SRSF11: variants seen among roughly 807,000 people sequenced by gnomAD.
SRSF11 encodes serine and arginine rich splicing factor 11.
Under a neutral mutation model 56.0 loss-of-function variants are expected in SRSF11, and 9 were observed. The ratio of observed to expected loss-of-function variants is 0.16; its 90% CI spans 0.10 to 0.28. The LOEUF (loss-of-function observed/expected upper bound fraction) is 0.28. SRSF11 is among the 10% of genes least tolerant of loss of function. The pLI, the probability that SRSF11 is intolerant of heterozygous loss-of-function variation, is 1.00. For missense variants in SRSF11, 421 were observed against 600.7 expected (o/e 0.70, Z 3.13); for synonymous variants, 222 against 215.3 (o/e 1.03, Z -0.27).
chr1:70,208,345 T>TGTGA (rs953992901), intron 1 of SRSF11, among the ~76,000 whole-genome samples: 3 of 152,104 alleles, frequency 2.0e-5, no homozygotes, highest in South Asian at 2.1e-4. Flanking sequence ...TGTGTGTGTG[T>TGTGA]GTGAGTGAGA....
chr1:70,234,387 T>C (rs1265596299), intron 3 of SRSF11, among the ~76,000 whole-genome samples: 1 of 152,230 alleles, frequency 6.6e-6, no homozygotes, highest in Non-Finnish European at 1.5e-5. Flanking sequence ...TGTCTTTTTT[T>C]CTTAATCTAG....
Position 70,228,792 on chromosome 1 carries a change from T to G in SRSF11, c.337+237T>G, listed in dbSNP as rs149811831. The G allele has an allele frequency of 3.4e-6, 4 of 1,169,108 alleles. No homozygotes were observed. The African/African-American group carries it at 6.4e-5, about 19-fold the overall frequency. The allele number at this position is 1,169,108 out of a possible 1,614,324, so 72.4% of individuals were successfully genotyped here. A position where few individuals can be genotyped will look rare whatever the true frequency, so the allele number is the denominator to read the frequency against. ...TTCTTTTAAAACATTTTTAAGTTGT[T>G]TAAAACCATGTCCCTTATTGTAACT... On this transcript the variant is annotated intron_variant, in intron 2 of 11. Transcript: ENST00000370949.
At chr1:70,247,309 G>T (rs1352834052) in intron 9 of SRSF11, among the ~76,000 whole-genome samples, 4 of 152,072 alleles carry the variant, frequency 2.6e-5, no homozygotes, top group Non-Finnish European at 1.5e-5. Flanking sequence ...GGGAAGCAAT[G>T]CAGGTTCTGG....
rs542574000 is a variant in SRSF11 at position 70,221,883 on chromosome 1, G to A, written c.203+44G>A. 8 of 1,609,604 alleles carry A rather than the reference G, an allele frequency of 5.0e-6. No homozygotes were observed. In the Admixed American group the frequency reaches 5.0e-5, roughly 10 times the overall value. On this transcript the variant is annotated intron_variant, in intron 1 of 11. Coordinates refer to ENST00000370949, the MANE Select transcript of SRSF11 (RefSeq NM_001350605.2). ...CACTGTTCCTGCTAACGCCGCCTCAGCCTGGGCCTAACACACACAATTTCC... is the reference window on the plus strand; with the variant it reads ...CACTGTTCCTGCTAACGCCGCCTCAACCTGGGCCTAACACACACAATTTCC...
Position 70,239,484 on chromosome 1 carries a change from C to G in SRSF11, c.764C>G (p.Ser255Cys). 6.2e-7 allele frequency: 1 copy of G among 1,609,608 alleles called. No homozygotes were observed. Among genetic ancestry groups the G allele is most frequent in the South Asian group, 1.1e-5 (1 of 90,128 alleles). The change falls in exon 7 of 12, where the codon TCT (serine) becomes TGT (cysteine). Residue 255 changes from serine (S) to cysteine (C), a missense_variant. Physicochemically the swap from Ser to Cys is moderately radical, Grantham distance 112. Transcript: ENST00000370949. ...AGGCATTCAAGATCAAGATCACGTT[C>G]TAGGAGGAGGAGGACTCCCTCATCT... ...KRRHSRSRSR[S>C]RRRRTPSSSR...
At chr1:70,232,021 G>A in intron 2 of SRSF11, 1 of 1,521,912 alleles carries the variant, frequency 6.6e-7, no homozygotes, top group East Asian at 2.5e-5. Flanking sequence ...TGTGTATTGT[G>A]CTATTTTTTT....
rs79728747 is a variant in SRSF11 at position 70,208,589 on chromosome 1, C to T, written c.-26+2809C>T. ...CTGGCCTCATGTGATCCACCTGCCT[C>T]GGCCCCCGAAATTGCGGGAATTACA... On this transcript the variant is annotated intron_variant, in intron 1 of 12. Transcript: ENST00000370950. 1.0e-3 allele frequency among the ~76,000 whole-genome samples: 156 copies of T among 152,220 alleles called. 3 individuals are homozygous for T. In the East Asian group the frequency reaches 0.026, roughly 25 times the overall value.
chr1:70,246,932 G>A, intron 9 of SRSF11, 25 bp downstream of exon 9: 4 of 1,572,784 alleles, frequency 2.5e-6, no homozygotes, highest in East Asian at 4.6e-5. Context: ...TGAATTCTTG[G>A]CAATTATTTT....
intron 2 of SRSF11, chr1:70,230,129 T>C: frequency 1.0e-6 from 1 of 983,328 alleles, no homozygotes; most frequent in Middle Eastern, 5.2e-4. Flanking sequence ...TCCCAATCCC[T>C]GAACATAATA....
chr1:70,206,763 T>C (rs546908302), intron 1 of SRSF11, among the ~76,000 whole-genome samples: 1 of 152,288 alleles, frequency 6.6e-6, no homozygotes, highest in South Asian at 2.1e-4. Context: ...TTGCTACCTG[T>C]AAAATTCGGT....
intron 5 of SRSF11, 85 bp from the exon 6 acceptor site, chr1:70,237,340 A>C: frequency 6.5e-7 from 1 of 1,541,764 alleles, no homozygotes; most frequent in Non-Finnish European, 8.7e-7. Flanking sequence ...TTTTGCTAAA[A>C]TAATGTTATA....
At chr1:70,232,000 C>T in intron 2 of SRSF11, 4 of 1,519,504 alleles carry the variant, frequency 2.6e-6, no homozygotes, top group Non-Finnish European at 3.5e-6. Context: ...GCAGTGTTAA[C>T]AAAAAAGTAG....
intron 6 of SRSF11, 98 bp from the exon 7 acceptor site, chr1:70,239,341 T>C: frequency 1.3e-6 from 1 of 786,410 alleles, no homozygotes; most frequent in Non-Finnish European, 2.1e-6. Flanking sequence ...TTGCTCCCAC[T>C]TCAGCCTCTC....
At chr1:70,233,661 T>C (rs1044631096) in intron 3 of SRSF11, among the ~76,000 whole-genome samples, 1 of 152,266 alleles carries the variant, frequency 6.6e-6, no homozygotes, top group Non-Finnish European at 1.5e-5. Flanking sequence ...AGTTAAATTA[T>C]AGAAAGTTTG....
chr1:70,225,441 A>G (rs1671556133), intron 1 of SRSF11, among the ~76,000 whole-genome samples: 2 of 152,154 alleles, frequency 1.3e-5, no homozygotes, highest in Non-Finnish European at 2.9e-5. Context: ...CGTCTTTGTC[A>G]CACACCTCCT....
chr1:70,217,862 A>G (rs1670155043), upstream of SRSF11, among the ~76,000 whole-genome samples: 1 of 152,196 alleles, frequency 6.6e-6, no homozygotes, highest in African/African-American at 2.4e-5. Context: ...AAGAATCTTC[A>G]AAATTATGAT....
intron 2 of SRSF11, chr1:70,229,456 C>A: frequency 5.1e-6 from 5 of 985,214 alleles, no homozygotes; most frequent in Non-Finnish European, 6.0e-6. Flanking sequence ...AATTTTAATA[C>A]CATTTTGTAA....
intron 1 of SRSF11, among the ~76,000 whole-genome samples, chr1:70,222,506 CTT>C (rs1419913245): frequency 6.6e-6 from 1 of 152,122 alleles, no homozygotes; most frequent in Non-Finnish European, 1.5e-5. Flanking sequence ...GAGTGTATGA[CTT>C]TTTATCCTTT....
At chr1:70,240,861 C>T (rs1675223641) in intron 7 of SRSF11, among the ~76,000 whole-genome samples, 2 of 151,478 alleles carry the variant, frequency 1.3e-5, no homozygotes, top group Admixed American at 1.3e-4. Flanking sequence ...CCACAACTTC[C>T]GCCTCCTGAG....
Sources: allele counts gnomAD v4.1 joint callset (sites outside exome capture counted in the v4.1 genomes callset), GRCh38; gene constraint gnomAD v4.1.1; transcripts MANE v1.5; gene names NCBI Gene and HGNC (gene_info 2026-07-23, HGNC 2026-07-21).